PIGB: variants seen among roughly 807,000 people sequenced by gnomAD.
PIGB encodes the protein GPI alpha-1,2-mannosyltransferase 3.
PIGB carries 58 observed loss-of-function variants against 68.4 expected under a neutral mutation model. That is an observed-to-expected ratio of 0.85 (90% CI 0.69 to 1.06). PIGB has a LOEUF of 1.06. Among genes scored for constraint, PIGB ranks in the 50% least tolerant of loss-of-function variants. The pLI, the probability that PIGB is intolerant of heterozygous loss-of-function variation, is 0.00. For synonymous variants in PIGB, 219 were observed against 220.5 expected (o/e 0.99, Z 0.06); for missense variants, 634 against 655.8 (o/e 0.97, Z 0.36).
intron 10 of PIGB, among the ~76,000 whole-genome samples, chr15:55,352,844 T>C (rs2055954408): frequency 6.6e-6 from 1 of 152,230 alleles, no homozygotes; most frequent in Non-Finnish European, 1.5e-5. Context: ...CTATGCACGT[T>C]CAATTAATTT....
intron 5 of PIGB, among the ~76,000 whole-genome samples, chr15:55,332,430 G>C (rs1035429406): frequency 1.3e-5 from 2 of 151,312 alleles, no homozygotes; most frequent in African/African-American, 2.4e-5. Flanking sequence ...GAGTGCAATG[G>C]CATGATCTCA....
intron 6 of PIGB, among the ~76,000 whole-genome samples, chr15:55,337,392 G>A (rs1227406695): frequency 6.6e-6 from 1 of 152,226 alleles, no homozygotes; most frequent in East Asian, 1.9e-4. Context: ...GGGCTGCACA[G>A]CAGGAGGTGA....
rs946270191 is a variant in PIGB at position 55,339,294 on chromosome 15, G to A, written c.822G>A (p.Met274Ile). ...TTGTTACTTTGAGTTTGTCTCTGAT[G>A]ATTGATCGTATTTTTTTTGGCCAAG... is the stretch of plus-strand genomic sequence containing the variant. ...VGFVTLSLSL[M>I]IDRIFFGQWT... The change falls in exon 7 of 12, where the codon ATG becomes ATA. Residue 274 changes from methionine to isoleucine, a missense_variant. Transcript: ENST00000164305. 12 of 1,552,990 alleles carry A rather than the reference G, an allele frequency of 7.7e-6. No individual in the cohort carries two copies. Among genetic ancestry groups the A allele is most frequent in the South Asian group, 1.2e-5 (1 of 83,556 alleles).
At chr15:55,330,534 C>G (rs2055390867) in intron 5 of PIGB, among the ~76,000 whole-genome samples, 1 of 152,030 alleles carries the variant, frequency 6.6e-6, no homozygotes, top group Admixed American at 6.6e-5. Context: ...GTTACAGTTA[C>G]AGTATATTCA....
chr15:55,336,923 G>C (rs1481981566), intron 6 of PIGB, among the ~76,000 whole-genome samples: 2 of 152,144 alleles, frequency 1.3e-5, no homozygotes, highest in African/African-American at 4.8e-5. Context: ...CCCAGAGGTA[G>C]ACGTTGCAAT....
intron 9 of PIGB, 52 bp downstream of exon 9, chr15:55,341,854 G>T: frequency 1.4e-6 from 1 of 718,618 alleles, no homozygotes; most frequent in South Asian, 3.2e-5. Flanking sequence ...ATAGTCTAAA[G>T]ACAACACATC....
chr15:55,326,731 G>T lies in PIGB; in HGVS notation c.418-800G>T, dbSNP rs191525272. Among the ~76,000 whole-genome samples, 611 of 152,178 alleles carry T rather than the reference G, an allele frequency of 4.0e-3. 1 individual carries two copies. The highest frequency in any genetic ancestry group is 6.8e-3 in the Non-Finnish European group (464 of 68,016). ...AATACAAAAAAATTAGCCGGGCGTGGGAGGCTGAGGCAGGAGAATGGCGTG... is the reference window on the plus strand; with the variant it reads ...AATACAAAAAAATTAGCCGGGCGTGTGAGGCTGAGGCAGGAGAATGGCGTG... On this transcript the variant is annotated intron_variant, in intron 3 of 11. Transcript: ENST00000164305.
chr15:55,321,956 C>T (rs185427881), intron 3 of PIGB, among the ~76,000 whole-genome samples: 92 of 148,860 alleles, frequency 6.2e-4, no homozygotes, highest in African/African-American at 2.1e-3. Context: ...GGGCGGATCA[C>T]CTGAGGTTGG....
chr15:55,355,461 G>A lies in PIGB; in HGVS notation c.*29G>A, dbSNP rs1164338234. 3 of 1,576,972 alleles carry A rather than the reference G, an allele frequency of 1.9e-6. No homozygotes were observed. Among genetic ancestry groups the A allele is most frequent in the African/African-American group, 2.7e-5 (2 of 73,586 alleles). ...TTCCTAGATAAATTAACATTGCTGG[G>A]TGGAAATATTCAGATGCTGCTTAAA... On this transcript the variant is annotated 3_prime_UTR_variant, in exon 12 of 12. Coordinates refer to ENST00000164305, the MANE Select transcript of PIGB (RefSeq NM_004855.5).
In PIGB at chr15:55,328,816, A is replaced by G. The variant is rs530408407; in HGVS notation, c.523-908A>G. Among the ~76,000 whole-genome samples, 3 of 152,232 alleles carry G rather than the reference A, an allele frequency of 2.0e-5. No homozygotes were observed. In the East Asian group the frequency reaches 5.8e-4, roughly 29 times the overall value. ...CCCTGTCTCTACTAAAAATACAAAA[A>G]TTATCCAGGCGTGGTGGCAGACACC... On this transcript the variant is annotated intron_variant, in intron 4 of 11. Coordinates refer to ENST00000164305, the MANE Select transcript of PIGB (RefSeq NM_004855.5).
At chr15:55,344,845 T>C (rs1427341991) in intron 9 of PIGB, among the ~76,000 whole-genome samples, 9 of 151,976 alleles carry the variant, frequency 5.9e-5, no homozygotes, top group African/African-American at 1.7e-4. Context: ...GTGGCTAATA[T>C]AGACTTCTCT....
At position 55,333,870 on chromosome 15, in the gene PIGB, C is replaced by T. The variant is rs1281657076; in HGVS notation, c.657C>T (p.Val219=). ...PLEGSKSMNS[V]KYSSLVALAF... The stretch of plus-strand genomic sequence containing the variant: ...ATCACACATTTTCCTCTTATAGTGT[C>T]AAATACTCATCCCTGGTGGCACTTG... Residue 219 remains valine (V), a synonymous_variant, in exon 6 of 12, where the codon GTC becomes GTT. Coordinates refer to ENST00000164305, the MANE Select transcript of PIGB (RefSeq NM_004855.5). The T allele has an allele frequency of 1.3e-6, 2 of 1,594,164 alleles. No homozygotes were observed. Among genetic ancestry groups the T allele is most frequent in the African/African-American group, 1.4e-5 (1 of 74,024 alleles).
chr15:55,335,039 C>G (rs576610492), intron 6 of PIGB, among the ~76,000 whole-genome samples: 19 of 152,312 alleles, frequency 1.2e-4, no homozygotes, highest in Non-Finnish European at 2.4e-4. Flanking sequence ...TAGTTAGATA[C>G]ACAGATACAT....
intron 4 of PIGB, 136 bp downstream of exon 4, chr15:55,327,771 G>T (rs2055326269): frequency 1.5e-6 from 1 of 660,142 alleles, no homozygotes; most frequent in Admixed American, 2.9e-5. Context: ...CCATAAATAA[G>T]AACAGTAATA....
intron 6 of PIGB, among the ~76,000 whole-genome samples, chr15:55,337,652 C>CT (rs1370289163): frequency 1.3e-5 from 2 of 152,146 alleles, no homozygotes; most frequent in African/African-American, 4.8e-5. Flanking sequence ...GGACCGCTAC[C>CT]TTAGGGCCCA....
At chr15:55,320,484 G>A in intron 2 of PIGB, 74 bp downstream of exon 2, 1 of 1,426,070 alleles carries the variant, frequency 7.0e-7, no homozygotes, top group Non-Finnish European at 9.7e-7. Flanking sequence ...TTCTTTTAGA[G>A]TAGTCCCCCT....
chr15:55,331,196 A>C (rs2055405508), intron 5 of PIGB, among the ~76,000 whole-genome samples: 1 of 152,192 alleles, frequency 6.6e-6, no homozygotes, highest in East Asian at 1.9e-4. Flanking sequence ...GAATCGAATT[A>C]GGTCCATTAA....
Position 55,321,163 on chromosome 15 carries a change from C to G in PIGB, c.300-110C>G, listed in dbSNP as rs562332762. The G allele has an allele frequency of 1.4e-5, 13 of 938,382 alleles. No homozygotes were observed. In the Admixed American group the frequency reaches 4.2e-4, roughly 31 times the overall value. 58.1% of individuals were successfully genotyped at this position (938,382 alleles called of 1,614,324 possible). On this transcript the variant is annotated intron_variant, in intron 2 of 11. Coordinates refer to ENST00000164305, the MANE Select transcript of PIGB (RefSeq NM_004855.5). ...ACCTGTAGAGGCAGGACCACTTGAG[C>G]CCAAGTTTGAGACCAGCCTGGGCAA...
intron 10 of PIGB, 181 bp from the exon 11 acceptor site, chr15:55,354,617 A>AT: frequency 1.7e-6 from 1 of 576,844 alleles, no homozygotes; most frequent in Non-Finnish European, 3.0e-6. Flanking sequence ...GGTACATGGT[A>AT]TAAGAATCAT....
Sources: gnomAD v4.1 joint callset for allele counts (sites outside exome capture counted in the v4.1 genomes callset) on GRCh38, gnomAD v4.1.1 for gene constraint, MANE v1.5 for transcripts, NCBI Gene and HGNC (gene_info 2026-07-23, HGNC 2026-07-21) for gene names.